The following SGCZ variants were observed in gnomAD, a reference collection of about 807,000 sequenced individuals.
SGCZ encodes sarcoglycan zeta.
A neutral mutation model predicts 41.3 loss-of-function variants in SGCZ; 40 were observed. That is an observed-to-expected ratio of 0.97 (90% confidence interval 0.75 to 1.26). The LOEUF (loss-of-function observed/expected upper bound fraction) is 1.26. Among genes scored for constraint, SGCZ ranks in the 50% most tolerant of loss-of-function variants. The probability of loss-of-function intolerance (pLI) is 0.00; values close to 1 mark genes in which losing one functional copy is unlikely to be tolerated. For synonymous variants in SGCZ, 206 were observed against 137.5 expected (o/e 1.50, Z -3.49); for missense variants, 552 against 369.8 (o/e 1.49, Z -4.04).
intron 1 of SGCZ, among the ~76,000 whole-genome samples, chr8:14,820,446 A>T (rs1284249951): frequency 2.0e-5 from 3 of 152,066 alleles, no homozygotes; most frequent in South Asian, 2.1e-4. Context: ...CTAGGAAAAA[A>T]GTCTACAAAG....
intron 1 of SGCZ, among the ~76,000 whole-genome samples, chr8:14,966,445 G>T (rs1801128810): frequency 6.6e-6 from 1 of 151,708 alleles, no homozygotes; most frequent in South Asian, 2.1e-4. Flanking sequence ...TCTTAAAAGT[G>T]ATTAACTCTA....
At chr8:15,188,738 C>T (rs1800430296) in intron 1 of SGCZ, among the ~76,000 whole-genome samples, 1 of 152,072 alleles carries the variant, frequency 6.6e-6, no homozygotes, top group South Asian at 2.1e-4. Context: ...AATACACATG[C>T]TGCAATTATA....
At chr8:14,533,141 C>T (rs1159836619) in intron 2 of SGCZ, among the ~76,000 whole-genome samples, 3 of 151,824 alleles carry the variant, frequency 2.0e-5, no homozygotes, top group African/African-American at 7.3e-5. Flanking sequence ...CTATCCTTCC[C>T]CACTCCCCCC....
chr8:14,744,826 AG>A (rs1449277296), intron 1 of SGCZ, among the ~76,000 whole-genome samples: 2 of 152,158 alleles, frequency 1.3e-5, no homozygotes, highest in Admixed American at 6.5e-5. Flanking sequence ...AAGTGAAAAG[AG>A]GCAATACAAA....
intron 1 of SGCZ, among the ~76,000 whole-genome samples, chr8:14,602,961 C>T (rs1424108530): frequency 2.0e-5 from 3 of 152,110 alleles, no homozygotes; most frequent in African/African-American, 7.2e-5. Flanking sequence ...GGAAATCATA[C>T]ACTAGGCATG....
At chr8:15,009,809 G>A (rs1228782398) in intron 1 of SGCZ, among the ~76,000 whole-genome samples, 1 of 152,086 alleles carries the variant, frequency 6.6e-6, no homozygotes, top group East Asian at 1.9e-4. Context: ...ATATGGATAA[G>A]CCTCTGTCCA....
intron 1 of SGCZ, among the ~76,000 whole-genome samples, chr8:14,952,381 C>G (rs1020902363): frequency 6.6e-6 from 1 of 152,026 alleles, no homozygotes; most frequent in Admixed American, 6.6e-5. Context: ...CGGATACCCA[C>G]ATAGGTCTGT....
chr8:14,336,214 G>T (rs1406937289), intron 2 of SGCZ, among the ~76,000 whole-genome samples: 1 of 152,028 alleles, frequency 6.6e-6, no homozygotes, highest in Non-Finnish European at 1.5e-5. Flanking sequence ...ATGGCCTCTA[G>T]TTCCATCCAT....
intron 2 of SGCZ, among the ~76,000 whole-genome samples, chr8:14,537,882 T>G (rs1322941644): frequency 6.6e-6 from 1 of 151,866 alleles, no homozygotes. Flanking sequence ...CATGGAGAAA[T>G]GAATCGATAA....
At chr8:14,547,971 A>C (rs538798350) in intron 2 of SGCZ, among the ~76,000 whole-genome samples, 1 of 152,298 alleles carries the variant, frequency 6.6e-6, no homozygotes, top group Admixed American at 6.5e-5. Context: ...GAAAGAGTAA[A>C]TTTCATTCAC....
At chr8:14,977,247 G>A (rs930176679) in intron 1 of SGCZ, among the ~76,000 whole-genome samples, 2 of 152,104 alleles carry the variant, frequency 1.3e-5, no homozygotes, top group Admixed American at 6.6e-5. Flanking sequence ...CCTCCCCACA[G>A]ATCTCTTTAC....
intron 1 of SGCZ, among the ~76,000 whole-genome samples, chr8:14,896,535 G>A (rs191668293): frequency 1.5e-3 from 223 of 152,068 alleles, no homozygotes; most frequent in African/African-American, 5.1e-3. Flanking sequence ...TGAGTGCAGC[G>A]GCATGATCTC....
At chr8:14,341,483 G>T (rs955509997) in intron 2 of SGCZ, among the ~76,000 whole-genome samples, 1 of 152,068 alleles carries the variant, frequency 6.6e-6, no homozygotes. Context: ...TGGGTGTGAA[G>T]TGGGGTAACA....
At chr8:15,165,464 C>T (rs189138562) in intron 1 of SGCZ, among the ~76,000 whole-genome samples, 14 of 152,240 alleles carry the variant, frequency 9.2e-5, no homozygotes, top group Admixed American at 8.5e-4. Flanking sequence ...TTACAAACTG[C>T]TTTTTGGGTT....
chr8:15,160,875 G>C (rs1799492026), intron 1 of SGCZ, among the ~76,000 whole-genome samples: 1 of 152,138 alleles, frequency 6.6e-6, no homozygotes, highest in Non-Finnish European at 1.5e-5. Flanking sequence ...AGGCATCCTT[G>C]AGACAGTCTT....
At chr8:14,468,855 A>T (rs1375999789) in intron 2 of SGCZ, among the ~76,000 whole-genome samples, 1 of 152,110 alleles carries the variant, frequency 6.6e-6, no homozygotes, top group African/African-American at 2.4e-5. Context: ...GCTGCCCATC[A>T]TCTAACAAAT....
At chr8:14,412,558 T>C (rs1799388684) in intron 2 of SGCZ, among the ~76,000 whole-genome samples, 1 of 152,076 alleles carries the variant, frequency 6.6e-6, no homozygotes, top group Non-Finnish European at 1.5e-5. Flanking sequence ...AGTCATCAGG[T>C]AAAAACACAT....
At chr8:14,444,494 G>C (rs1484022818) in intron 2 of SGCZ, among the ~76,000 whole-genome samples, 1 of 152,026 alleles carries the variant, frequency 6.6e-6, no homozygotes, top group Admixed American at 6.6e-5. Context: ...AAAAAATGAT[G>C]AGTTCATGTC....
At chr8:15,088,988 A>C (rs1344339203) in intron 1 of SGCZ, among the ~76,000 whole-genome samples, 1 of 152,186 alleles carries the variant, frequency 6.6e-6, no homozygotes, top group Admixed American at 6.6e-5. Context: ...CATAACAGTA[A>C]ACACCATCCT....
Sources: allele counts gnomAD v4.1 joint callset (sites outside exome capture counted in the v4.1 genomes callset), GRCh38; gene constraint gnomAD v4.1.1; transcripts MANE v1.5; gene names NCBI Gene and HGNC (gene_info 2026-07-23, HGNC 2026-07-21).